Variants in AFF3 observed in about 807,000 individuals in gnomAD.
AFF3 encodes ALF transcription elongation factor 3.
AFF3 carries 32 observed loss-of-function variants against 129.7 expected under a neutral mutation model. That is an observed-to-expected ratio of 0.25 (90% CI 0.19 to 0.33). The LOEUF is 0.33. Ranked by LOEUF, AFF3 falls within the 10% of genes least tolerant of loss-of-function variation. The pLI is 1.00. For synonymous variants in AFF3, 644 were observed against 635.4 expected, an observed-to-expected ratio of 1.01 and a Z score of -0.20; for missense variants, 1,373 against 1,592.0, an observed-to-expected ratio of 0.86 and a Z score of 2.34.
At chr2:99,952,382 C>A (rs1676250925) in intron 7 of AFF3, among the ~76,000 whole-genome samples, 1 of 152,126 alleles carries the variant, frequency 6.6e-6, no homozygotes, top group South Asian at 2.1e-4. Flanking sequence ...GAACTGTAAG[C>A]CAATTAAACC....
chr2:99,680,633 T>C (rs1674435594), intron 11 of AFF3, among the ~76,000 whole-genome samples: 2 of 152,218 alleles, frequency 1.3e-5, no homozygotes, highest in South Asian at 4.1e-4. Context: ...TAGCTGCCTA[T>C]TCTGTTTGCT....
intron 7 of AFF3, among the ~76,000 whole-genome samples, chr2:99,902,039 C>T (rs1694380202): frequency 6.6e-6 from 1 of 151,360 alleles, no homozygotes; most frequent in Non-Finnish European, 1.5e-5. Context: ...ATGTAATTTT[C>T]TCCTACTTAG....
chr2:99,725,345 A>C (rs2104985222), intron 11 of AFF3, among the ~76,000 whole-genome samples: 1 of 150,976 alleles, frequency 6.6e-6, no homozygotes, highest in South Asian at 2.1e-4. Context: ...TTAGGCAATA[A>C]ACTTTTTATT....
intron 10 of AFF3, among the ~76,000 whole-genome samples, chr2:99,730,211 T>TG (rs1331577184): frequency 6.6e-6 from 1 of 152,090 alleles, no homozygotes; most frequent in African/African-American, 2.4e-5. Flanking sequence ...CCCTCGCCAG[T>TG]GAGACGAAAT....
At chr2:99,900,528 C>T (rs1694268234) in intron 7 of AFF3, among the ~76,000 whole-genome samples, 1 of 152,148 alleles carries the variant, frequency 6.6e-6, no homozygotes, top group Admixed American at 6.5e-5. Context: ...CCTTCAAAGA[C>T]CCCTGCCCAT....
At chr2:99,714,742 C>T (rs1440063758) in intron 11 of AFF3, among the ~76,000 whole-genome samples, 2 of 152,194 alleles carry the variant, frequency 1.3e-5, no homozygotes, top group African/African-American at 4.8e-5. Context: ...TTGTTAAATG[C>T]ACTTGCATAA....
chr2:99,598,678 A>C (rs1197698580), intron 14 of AFF3, among the ~76,000 whole-genome samples: 1 of 152,206 alleles, frequency 6.6e-6, no homozygotes. Context: ...AAAGCAGCAC[A>C]AACTGGTCTG....
At chr2:100,060,357 G>A (rs1687169174) in intron 4 of AFF3, among the ~76,000 whole-genome samples, 1 of 152,138 alleles carries the variant, frequency 6.6e-6, no homozygotes, top group Admixed American at 6.5e-5. Flanking sequence ...CTTGCCTAAG[G>A]TCACAAAGCT....
At chr2:99,641,339 G>A (rs993985428) in intron 13 of AFF3, among the ~76,000 whole-genome samples, 11 of 152,180 alleles carry the variant, frequency 7.2e-5, no homozygotes, top group Non-Finnish European at 1.5e-5. Context: ...AATTACCTGA[G>A]TTTGGAAAGC....
chr2:99,967,019 T>C (rs1677849050), intron 7 of AFF3, among the ~76,000 whole-genome samples: 6 of 152,170 alleles, frequency 3.9e-5, no homozygotes, highest in Admixed American at 3.9e-4. Context: ...TATTCATAAG[T>C]TGGAAGTCAA....
intron 8 of AFF3, among the ~76,000 whole-genome samples, chr2:99,758,032 G>T (rs1287814144): frequency 6.6e-6 from 1 of 152,186 alleles, no homozygotes; most frequent in Non-Finnish European, 1.5e-5. Context: ...CTAATACAGA[G>T]CCTGGAGCAG....
chr2:99,577,598 G>A (rs962969488), intron 18 of AFF3, among the ~76,000 whole-genome samples: 5 of 152,290 alleles, frequency 3.3e-5, no homozygotes, highest in African/African-American at 4.8e-5. Context: ...TGTATTTGAC[G>A]CCCGTAGGAC....
intron 10 of AFF3, among the ~76,000 whole-genome samples, chr2:99,730,337 CATAAAG>C (rs1216973077): frequency 6.6e-6 from 1 of 152,086 alleles, no homozygotes. Context: ...CTCTTGTGAG[CATAAAG>C]ATAAATAATG....
At chr2:99,758,645 C>T (rs1306756502) in intron 8 of AFF3, among the ~76,000 whole-genome samples, 1 of 149,112 alleles carries the variant, frequency 6.7e-6, no homozygotes, top group Admixed American at 6.7e-5. Context: ...ATGATGATGG[C>T]AATGGTGACG....
chr2:99,751,376 AG>A (rs1371382309), intron 9 of AFF3, among the ~76,000 whole-genome samples: 3 of 152,246 alleles, frequency 2.0e-5, no homozygotes, highest in African/African-American at 7.2e-5. Context: ...TACAGGAATG[AG>A]TCATCATGCC....
rs192215053 is a variant in AFF3 at position 99,579,955 on chromosome 2, T to G, written c.2794-1504A>C. Reference sequence around the variant, plus strand: ...TTTAAATAGGGACTGCTTTTACGTGTAGCACTGTAAGGGTTAGAGTCTACT... The same window carrying G: ...TTTAAATAGGGACTGCTTTTACGTGGAGCACTGTAAGGGTTAGAGTCTACT... On this transcript the variant is annotated intron_variant, in intron 17 of 24. Coordinates refer to ENST00000672756, the MANE Select transcript of AFF3 (RefSeq NM_001386135.1). Among the ~76,000 whole-genome samples, 1,006 of 152,082 alleles carry G rather than the reference T, an allele frequency of 6.6e-3. 8 individuals carry two copies. The highest frequency in any genetic ancestry group is 0.023 in the African/African-American group (949 of 41,338).
Position 99,553,282 on chromosome 2 carries a change from T to C in AFF3, c.3559+1029A>G, listed in dbSNP as rs572072923. Among the ~76,000 whole-genome samples the C allele has an allele frequency of 2.0e-5, 3 of 152,300 alleles. No homozygotes were observed. The East Asian group carries it at 5.8e-4, about 29-fold the overall frequency. ...TCCTCCTGGTGGCTTCTGACCCCCA[T>C]GGCATTCTCATTGGACTTTCTCTGG... On this transcript the variant is annotated intron_variant, in intron 24 of 24. Coordinates refer to ENST00000672756, the MANE Select transcript of AFF3 (RefSeq NM_001386135.1).
intron 7 of AFF3, among the ~76,000 whole-genome samples, chr2:99,850,304 A>G (rs571662842): frequency 1.3e-5 from 2 of 152,210 alleles, no homozygotes; most frequent in South Asian, 4.1e-4. Flanking sequence ...CTAAGCTGAA[A>G]GCTCCAGAGT....
intron 13 of AFF3, among the ~76,000 whole-genome samples, chr2:99,648,461 G>C (rs950944690): frequency 6.6e-6 from 1 of 152,208 alleles, no homozygotes; most frequent in Admixed American, 6.5e-5. Context: ...TTCAGAAGCA[G>C]AGCAGTCATC....
Sources: allele counts gnomAD v4.1 joint callset (sites outside exome capture counted in the v4.1 genomes callset), GRCh38; gene constraint gnomAD v4.1.1; transcripts MANE v1.5; gene names NCBI Gene and HGNC (gene_info 2026-07-23, HGNC 2026-07-21).